Variants in IGF2R observed in about 807,000 individuals in gnomAD.
IGF2R encodes the protein insulin like growth factor 2 receptor.
A neutral mutation model predicts 270.6 loss-of-function variants in IGF2R; 91 were observed. The observed-to-expected ratio is 0.34, with a 90% CI of 0.28 to 0.40. The LOEUF (loss-of-function observed/expected upper bound fraction) is 0.40, where lower values mean the gene tolerates loss of function less well. Among genes scored for constraint, IGF2R ranks in the 10% least tolerant of loss-of-function variants. IGF2R has a pLI of 1.00. For synonymous variants in IGF2R, 1,316 were observed against 1,258.9 expected (o/e 1.05, Z -0.96); for missense variants, 2,805 against 3,188.3 (o/e 0.88, Z 2.90).
rs1310068619 is a variant in IGF2R at position 160,032,776 on chromosome 6, G to A, written c.1045+63G>A. On this transcript the variant is annotated intron_variant, in intron 8 of 47. Transcript: ENST00000356956. The stretch of plus-strand genomic sequence containing the variant: ...AAGAAGGGGATCGAGAGAGGGAACG[G>A]GACAGTAGGGGCCAAGTCAGTCCAT... 2 of 1,549,108 alleles carry A rather than the reference G, an allele frequency of 1.3e-6. 1 individual carries two copies. Among genetic ancestry groups the A allele is most frequent in the Non-Finnish European group, 1.8e-6 (2 of 1,135,636 alleles).
At chr6:159,999,429 T>C (rs532831144) in intron 2 of IGF2R, among the ~76,000 whole-genome samples, 3 of 152,270 alleles carry the variant, frequency 2.0e-5, no homozygotes, top group African/African-American at 7.2e-5. Context: ...TGGATTTGAA[T>C]GTGGACAGCC....
At position 160,103,793 on chromosome 6, in the gene IGF2R, A is replaced by G. The variant is rs17847665; in HGVS notation, c.7043A>G (p.Asn2348Ser). The G allele has an allele frequency of 1.1e-3, 1,713 of 1,611,536 alleles. 33 individuals are homozygous for G. The East Asian group carries it at 0.031, about 30-fold the overall frequency. ...ACCACTTGCTGTAGGAGAAGTTCCA[A>G]CGTGTCCTACAAATACTCAAAGGTA... ...KLTTCCRRSS[N>S]VSYKYSKVNK... The change falls in exon 47 of 48, where the codon AAC becomes AGC. Residue 2348 changes from asparagine to serine, a missense_variant. Coordinates refer to ENST00000356956, the MANE Select transcript of IGF2R (RefSeq NM_000876.4).
Position 159,981,417 on chromosome 6 carries a change from G to A in IGF2R, c.150-9767G>A, listed in dbSNP as rs549166359. On this transcript the variant is annotated intron_variant, in intron 1 of 47. Transcript: ENST00000356956. ...CTCCTAGGAGATGCCTCCGGACAGG[G>A]GCCTGCCCGTCTCTCCCTCCAGTTC... Among the ~76,000 whole-genome samples, 8 of 152,204 alleles carry A rather than the reference G, an allele frequency of 5.3e-5. No homozygotes were observed. In the South Asian group the frequency reaches 1.7e-3, roughly 32 times the overall value.
rs1562341539 is a variant in IGF2R, at chr6:160,009,125, G to A, written c.405G>A (p.Gly135=). 2 of 1,613,354 alleles carry A rather than the reference G, an allele frequency of 1.2e-6. No individual in the cohort carries two copies. Among genetic ancestry groups the A allele is most frequent in the African/African-American group, 1.3e-5 (1 of 74,788 alleles). Residue 135 remains glycine, a synonymous_variant, in exon 3 of 48, where the codon GGG becomes GGA. Coordinates refer to ENST00000356956, the MANE Select transcript of IGF2R (RefSeq NM_000876.4). ...AGAGCAGCATTGCCTTCCTGTGTGGGAAAACCCTGGTGAGTCCACACAGGC... is the reference window on the plus strand; with the variant it reads ...AGAGCAGCATTGCCTTCCTGTGTGGAAAAACCCTGGTGAGTCCACACAGGC... ...RVQSSIAFLC[G]KTLGTPEFVT... is the part of the protein sequence containing the mutation.
intron 45 of IGF2R, among the ~76,000 whole-genome samples, chr6:160,099,485 G>A (rs1779436158): frequency 6.6e-6 from 1 of 152,098 alleles, no homozygotes; most frequent in African/African-American, 2.4e-5. Context: ...TCCTGCCTCA[G>A]CCTCCCAAGT....
intron 4 of IGF2R, among the ~76,000 whole-genome samples, chr6:160,021,931 C>T (rs1367245864): frequency 6.6e-6 from 1 of 152,004 alleles, no homozygotes; most frequent in Non-Finnish European, 1.5e-5. Flanking sequence ...TACGTGCACT[C>T]GTCTGTTTAT....
chr6:160,090,237 T>A (rs796631462), intron 44 of IGF2R, 134 bp downstream of exon 44: 3 of 571,858 alleles, frequency 5.2e-6, no homozygotes, highest in African/African-American at 2.0e-5. Context: ...TTCTTTACTT[T>A]GTTATGAATT....
chr6:160,061,380 C>T, intron 23 of IGF2R, 123 bp from the exon 24 acceptor site: 2 of 884,710 alleles, frequency 2.3e-6, no homozygotes, highest in Admixed American at 4.5e-5. Context: ...CGTGGATTTC[C>T]TTATCCTCAC....
At chr6:160,059,710 C>CT (rs1033702528) in intron 22 of IGF2R, among the ~76,000 whole-genome samples, 7 of 152,232 alleles carry the variant, frequency 4.6e-5, no homozygotes, top group Non-Finnish European at 8.8e-5. Context: ...TGGGGGCTCT[C>CT]TGAGATGATC....
In IGF2R at chr6:160,044,547, T is replaced by A. The variant is rs1778025804; in HGVS notation, c.1655T>A (p.Ile552Asn). Residue 552 changes from isoleucine (I) to asparagine (N), a missense_variant, in exon 13 of 48, where the codon ATT (isoleucine) becomes AAT (asparagine). Physicochemically the swap from Ile to Asn is moderately radical, Grantham distance 149. Coordinates refer to ENST00000356956, the MANE Select transcript of IGF2R (RefSeq NM_000876.4). ...KNGSKNLGKF[I>N]SSPMKEKGNI... ...GGAAGTAAAAATCTGGGAAAATTTA[T>A]TTCCTCTCCCATGAAAGAGAAAGGA... 3.7e-6 allele frequency: 6 copies of A among 1,608,378 alleles called. No homozygotes were observed. Among genetic ancestry groups the A allele is most frequent in the Non-Finnish European group, 5.1e-6 (6 of 1,176,460 alleles).
intron 29 of IGF2R, among the ~76,000 whole-genome samples, chr6:160,065,806 GTGTGTGTGTATATATATATATA>G (rs1426719655): frequency 1.7e-5 from 1 of 57,560 alleles, no homozygotes; most frequent in Non-Finnish European, 3.2e-5. Flanking sequence ...GTGTGTGTGT[GTGTGTGTGTATATATATATATA>G]TATATATATA....
rs181815214 is a variant in IGF2R at position 160,047,773 on chromosome 6, C to A, written c.2230-19C>A. ...TCTTTCTCTTTTTGCCATCCCTCCG[C>A]GCATCTGCCGTGGATTAGGAAGAGG... is the stretch of plus-strand genomic sequence containing the variant. On this transcript the variant is annotated intron_variant, in intron 16 of 47. Coordinates refer to ENST00000356956, the MANE Select transcript of IGF2R (RefSeq NM_000876.4). 6.8e-7 allele frequency: 1 copy of A among 1,467,178 alleles called. No homozygotes were observed. The highest frequency in any genetic ancestry group is 9.6e-7 in the Non-Finnish European group (1 of 1,045,656). 90.9% of individuals were successfully genotyped at this position (1,467,178 alleles called of 1,614,324 possible). A position where few individuals can be genotyped will look rare whatever the true frequency, so the allele number is the denominator to read the frequency against.
chr6:160,096,326 C>A, intron 44 of IGF2R, 113 bp from the exon 45 acceptor site: 1 of 915,810 alleles, frequency 1.1e-6, no homozygotes, highest in Non-Finnish European at 1.7e-6. Context: ...GGGATGAAGT[C>A]TCTTCTGCCT....
At chr6:160,034,184 C>T (rs1777761671) in intron 9 of IGF2R, among the ~76,000 whole-genome samples, 1 of 152,186 alleles carries the variant, frequency 6.6e-6, no homozygotes, top group Admixed American at 6.5e-5. Flanking sequence ...ACAGCAAAAC[C>T]TTCGGCACTT....
chr6:160,083,838 A>G, intron 39 of IGF2R, 112 bp from the exon 40 acceptor site: 1 of 772,554 alleles, frequency 1.3e-6, no homozygotes, highest in East Asian at 2.6e-5. Flanking sequence ...CATCTCAGCA[A>G]AGCAATTGTT....
chr6:160,076,097 C>A (rs1302436164), intron 36 of IGF2R, 101 bp downstream of exon 36: 2 of 1,152,978 alleles, frequency 1.7e-6, no homozygotes, highest in African/African-American at 1.5e-5. Context: ...TACTCTTATT[C>A]AAAATGTCTG....
At chr6:159,991,107 G>A (rs540744483) in intron 1 of IGF2R, 77 bp from the exon 2 acceptor site, 2 of 1,373,722 alleles carry the variant, frequency 1.5e-6, no homozygotes, top group Non-Finnish European at 2.0e-6. Flanking sequence ...AAGCAAATGT[G>A]GCTTGAATAA....
At chr6:159,993,109 CT>C (rs1562335469) in intron 2 of IGF2R, among the ~76,000 whole-genome samples, 1 of 151,806 alleles carries the variant, frequency 6.6e-6, no homozygotes, top group Non-Finnish European at 1.5e-5. Flanking sequence ...TTCTTTTTTT[CT>C]TTTTGAATTG....
At chr6:159,980,300 G>GT (rs779472728) in intron 1 of IGF2R, among the ~76,000 whole-genome samples, 1 of 152,276 alleles carries the variant, frequency 6.6e-6, no homozygotes, top group Non-Finnish European at 1.5e-5. Context: ...CTAGGTGAGG[G>GT]TTGCAGTTGA....
Sources: gnomAD v4.1 joint callset for allele counts (sites outside exome capture counted in the v4.1 genomes callset) on GRCh38, gnomAD v4.1.1 for gene constraint, MANE v1.5 for transcripts, NCBI Gene and HGNC (gene_info 2026-07-23, HGNC 2026-07-21) for gene names.